UBE2V2: variants seen among roughly 807,000 people sequenced by gnomAD.
UBE2V2 encodes ubiquitin-conjugating enzyme E2 variant 2.
Under a neutral mutation model 17.2 loss-of-function variants are expected in UBE2V2, and 9 were observed. That is an observed-to-expected ratio of 0.52 (90% CI 0.32 to 0.91). UBE2V2 has a LOEUF of 0.91. UBE2V2 is among the 40% of genes least tolerant of loss of function. The pLI is 0.04. For missense variants in UBE2V2, 133 were observed against 182.6 expected, an observed-to-expected ratio of 0.73 and a Z score of 1.56; for synonymous variants, 61 against 57.5, an observed-to-expected ratio of 1.06 and a Z score of -0.28.
chr8:48,049,775 C>CT (rs200788314), intron 2 of UBE2V2, 78 bp from the exon 3 acceptor site: 55,395 of 1,056,780 alleles, frequency 0.052, 25 homozygotes, highest in East Asian at 0.068. Flanking sequence ...TGTACTTTCC[C>CT]TTTTTTTTTT....
chr8:48,054,903 C>CT (rs911958883), intron 3 of UBE2V2, among the ~76,000 whole-genome samples: 20 of 150,088 alleles, frequency 1.3e-4, no homozygotes, highest in Admixed American at 9.3e-4. Flanking sequence ...CTCTCTTCAT[C>CT]TTTTTTTTCT....
chr8:48,025,756 C>T (rs750197353), intron 1 of UBE2V2, among the ~76,000 whole-genome samples: 9 of 151,916 alleles, frequency 5.9e-5, no homozygotes, highest in African/African-American at 9.7e-5. Flanking sequence ...CCCGCCACCA[C>T]GACCGGCTAA....
chr8:48,015,197 A>G (rs1188176628), intron 1 of UBE2V2, among the ~76,000 whole-genome samples: 2 of 151,942 alleles, frequency 1.3e-5, no homozygotes, highest in African/African-American at 4.8e-5. Context: ...GGGCAATACA[A>G]GAAAATCCCA....
intron 1 of UBE2V2, among the ~76,000 whole-genome samples, chr8:48,025,735 G>T (rs2091339889): frequency 6.6e-6 from 1 of 151,948 alleles, no homozygotes; most frequent in Non-Finnish European, 1.5e-5. Context: ...GAGTAGCTGG[G>T]ACTATAGGCA....
chr8:48,031,546 C>T (rs1376064737), intron 1 of UBE2V2, among the ~76,000 whole-genome samples: 1 of 152,140 alleles, frequency 6.6e-6, no homozygotes, highest in Admixed American at 6.6e-5. Flanking sequence ...GTAATGTATT[C>T]TCCACACCAC....
chr8:48,038,529 A>C (rs1229419392), intron 1 of UBE2V2, among the ~76,000 whole-genome samples: 1 of 150,454 alleles, frequency 6.6e-6, no homozygotes, highest in African/African-American at 2.5e-5. Context: ...CCCAGGCTGG[A>C]GTGCAGTGGC....
chr8:48,045,724 T>C (rs2154507813), intron 2 of UBE2V2, among the ~76,000 whole-genome samples: 1 of 152,304 alleles, frequency 6.6e-6, no homozygotes, highest in East Asian at 1.9e-4. Context: ...CACAGGCTTC[T>C]TCTGGAACTG....
At chr8:48,008,359 A>G, upstream of UBE2V2, 4 of 1,439,600 alleles carry the variant, frequency 2.8e-6, no homozygotes, top group Non-Finnish European at 3.6e-6. Flanking sequence ...CCGGGGGCGG[A>G]GTCCGCTGTG....
chr8:48,008,467 A>C lies in UBE2V2; in HGVS notation c.13A>C (p.Thr5Pro). MAVS[T>P]GVKVPRNFRL... is the part of the protein sequence containing the mutation. ...GCTGCAGGAGAAGATGGCGGTCTCC[A>C]CAGGTCGGTTCCCGGGCCGGGCTGC... The change falls in exon 1 of 4, where the codon ACA becomes CCA. Residue 5 changes from threonine (T) to proline (P), a missense_variant. Physicochemically the swap from Thr to Pro is conservative, Grantham distance 38. Coordinates refer to ENST00000523111, the MANE Select transcript of UBE2V2 (RefSeq NM_003350.3). 6.4e-7 allele frequency: 1 copy of C among 1,568,556 alleles called. No homozygotes were observed. Among genetic ancestry groups the C allele is most frequent in the Non-Finnish European group, 8.6e-7 (1 of 1,159,436 alleles).
intron 1 of UBE2V2, among the ~76,000 whole-genome samples, chr8:48,032,718 C>T (rs1027350212): frequency 6.6e-6 from 1 of 152,122 alleles, no homozygotes; most frequent in African/African-American, 2.4e-5. Flanking sequence ...GCGACAGAGT[C>T]CCTGTCTCAA....
intron 1 of UBE2V2, among the ~76,000 whole-genome samples, chr8:48,031,347 C>T (rs2091382054): frequency 6.6e-6 from 1 of 152,032 alleles, no homozygotes; most frequent in African/African-American, 2.4e-5. Flanking sequence ...TATTTTAGTT[C>T]ATATATATTC....
chr8:48,033,973 GTCC>G (rs1288153087), intron 1 of UBE2V2, among the ~76,000 whole-genome samples: 1 of 151,924 alleles, frequency 6.6e-6, no homozygotes, highest in Non-Finnish European at 1.5e-5. Context: ...AAAGAAGAAA[GTCC>G]TCATGCTGTT....
chr8:48,025,452 A>AT (rs1232458146), intron 1 of UBE2V2, among the ~76,000 whole-genome samples: 2 of 140,798 alleles, frequency 1.4e-5, no homozygotes, highest in Non-Finnish European at 3.1e-5. Context: ...TTTTTTTTGT[A>AT]TTTTAGTAGA....
At chr8:48,046,420 A>G (rs1174627268) in intron 2 of UBE2V2, among the ~76,000 whole-genome samples, 1 of 151,260 alleles carries the variant, frequency 6.6e-6, no homozygotes, top group Non-Finnish European at 1.5e-5. Context: ...GTCTGGCCTA[A>G]TTTTGTATTT....
chr8:47,998,718 G>A, the UBE2V2 span, among the ~76,000 whole-genome samples: 2 of 151,718 alleles, frequency 1.3e-5, no homozygotes, highest in Non-Finnish European at 2.9e-5. Context: ...GAGAGAGACA[G>A]AGAGCGAGAG....
At chr8:48,012,962 C>T (rs1231986318) in intron 1 of UBE2V2, among the ~76,000 whole-genome samples, 1 of 151,702 alleles carries the variant, frequency 6.6e-6, no homozygotes, top group African/African-American at 2.4e-5. Context: ...TCTCCTGCCT[C>T]AGCCTCCCGA....
chr8:48,029,526 G>A lies in UBE2V2; in HGVS notation c.17-13507G>A, dbSNP rs377317715. Reference sequence around the variant, plus strand: ...GGTTTAATCTCACTAAAAAAAGTTCGATAGCCAGATACCATGCATACTGTA... The same window carrying A: ...GGTTTAATCTCACTAAAAAAAGTTCAATAGCCAGATACCATGCATACTGTA... On this transcript the variant is annotated intron_variant, in intron 1 of 3. Transcript: ENST00000523111. Among the ~76,000 whole-genome samples, 598 of 152,290 alleles carry A rather than the reference G, an allele frequency of 3.9e-3. 4 individuals carry two copies. Among genetic ancestry groups the A allele is most frequent in the South Asian group, 0.024 (118 of 4,822 alleles).
At chr8:48,035,107 CTTTTTTTTTTTTTTT>C (rs578114987) in intron 1 of UBE2V2, 6 of 855,632 alleles carry the variant, frequency 7.0e-6, no homozygotes, top group East Asian at 1.6e-4. Context: ...CCTATTTATT[CTTTTTTTTTTTTTTT>C]TTTTTTTTTT....
intron 1 of UBE2V2, among the ~76,000 whole-genome samples, chr8:48,015,900 T>G (rs2091265406): frequency 6.7e-6 from 1 of 149,088 alleles, no homozygotes; most frequent in South Asian, 2.1e-4. Flanking sequence ...GTGTGGTTTT[T>G]TTTTTTTTTT....
Sources: gnomAD v4.1 joint callset for allele counts (sites outside exome capture counted in the v4.1 genomes callset) on GRCh38, gnomAD v4.1.1 for gene constraint, MANE v1.5 for transcripts, NCBI Gene and HGNC (gene_info 2026-07-23, HGNC 2026-07-21) for gene names.